GALNTL6: variants seen among roughly 807,000 people sequenced by gnomAD.
GALNTL6 encodes polypeptide N-acetylgalactosaminyltransferase like 6.
In GALNTL6, 46 loss-of-function variants were observed where a neutral mutation model predicts 73.7. That is an observed-to-expected ratio of 0.62 (90% CI 0.49 to 0.80). The LOEUF is 0.80. GALNTL6 is among the 30% of genes least tolerant of loss of function. The probability of loss-of-function intolerance (pLI) is 0.00; values close to 1 mark genes in which losing one functional copy is unlikely to be tolerated. For missense variants in GALNTL6, 604 were observed against 755.0 expected, an observed-to-expected ratio of 0.80 and a Z score of 2.34; for synonymous variants, 259 against 263.7, an observed-to-expected ratio of 0.98 and a Z score of 0.17.
chr4:172,218,421 A>G (rs1266428111), intron 2 of GALNTL6, among the ~76,000 whole-genome samples: 1 of 152,190 alleles, frequency 6.6e-6, no homozygotes, highest in African/African-American at 2.4e-5. Flanking sequence ...CTTAGTGTAC[A>G]ATGGGGGCTC....
At chr4:172,164,353 C>A (rs2110800622) in intron 2 of GALNTL6, among the ~76,000 whole-genome samples, 1 of 151,852 alleles carries the variant, frequency 6.6e-6, no homozygotes, top group East Asian at 1.9e-4. Flanking sequence ...AGGACTAAAT[C>A]TCAGATATAG....
intron 5 of GALNTL6, among the ~76,000 whole-genome samples, chr4:172,806,171 G>C (rs1377980849): frequency 1.3e-5 from 2 of 152,104 alleles, no homozygotes. Context: ...GAACTACTAA[G>C]AGAGAAAGGA....
intron 2 of GALNTL6, among the ~76,000 whole-genome samples, chr4:171,885,318 C>T (rs1736577571): frequency 6.6e-6 from 1 of 152,098 alleles, no homozygotes; most frequent in Non-Finnish European, 1.5e-5. Flanking sequence ...ATTTTTCCAT[C>T]ATACTTTGTT....
At chr4:172,402,924 G>T (rs563239658) in intron 5 of GALNTL6, among the ~76,000 whole-genome samples, 1 of 152,130 alleles carries the variant, frequency 6.6e-6, no homozygotes, top group South Asian at 2.1e-4. Flanking sequence ...ACTTTATATT[G>T]TAGCCCAATT....
chr4:171,841,039 C>T (rs749176146), intron 2 of GALNTL6, among the ~76,000 whole-genome samples: 4 of 152,154 alleles, frequency 2.6e-5, no homozygotes, highest in Admixed American at 6.6e-5. Context: ...GTTTCTAGAA[C>T]CTCCGGTACT....
chr4:172,481,989 A>G (rs1388276634), intron 5 of GALNTL6, among the ~76,000 whole-genome samples: 1 of 152,176 alleles, frequency 6.6e-6, no homozygotes, highest in Non-Finnish European at 1.5e-5. Flanking sequence ...CAGGGGGCTC[A>G]GACATGGTGG....
rs1304076021 is a variant in GALNTL6, at chr4:172,467,812, TTCTTTC to T, written c.553+119125_553+119130del. Among the ~76,000 whole-genome samples, 4 of 56,922 alleles carry T rather than the reference TTCTTTC, an allele frequency of 7.0e-5. No individual in the cohort carries two copies. In the South Asian group the frequency reaches 2.5e-3, roughly 35 times the overall value. The allele number at this position is 56,922 out of a possible 152,430, so 37.3% of individuals were successfully genotyped here. On this transcript the variant is annotated intron_variant, in intron 5 of 12. Coordinates refer to ENST00000506823, the MANE Select transcript of GALNTL6 (RefSeq NM_001034845.3). ...GAGATAAAAGCATTTTACATTTTCT[TTCTTTC>T]TTTCTTTCTTTCTTTCTTTCTTTCT...
chr4:172,659,233 T>G (rs1731245679), intron 5 of GALNTL6, among the ~76,000 whole-genome samples: 1 of 151,988 alleles, frequency 6.6e-6, no homozygotes, highest in Non-Finnish European at 1.5e-5. Context: ...ATTTTTTTCT[T>G]TTTTAAAATT....
chr4:172,289,251 C>T (rs919941746), intron 3 of GALNTL6, among the ~76,000 whole-genome samples: 5 of 152,106 alleles, frequency 3.3e-5, no homozygotes, highest in Admixed American at 6.6e-5. Context: ...TGTTTTGTTG[C>T]GTTCTTTTGA....
chr4:172,437,316 G>A (rs775898813), intron 5 of GALNTL6, among the ~76,000 whole-genome samples: 4 of 152,046 alleles, frequency 2.6e-5, no homozygotes, highest in Non-Finnish European at 4.4e-5. Flanking sequence ...CCACAATGAT[G>A]GGTTAGCACT....
At chr4:172,475,673 A>T (rs1338968600) in intron 5 of GALNTL6, among the ~76,000 whole-genome samples, 1 of 152,232 alleles carries the variant, frequency 6.6e-6, no homozygotes, top group Non-Finnish European at 1.5e-5. Flanking sequence ...CCTATAAGGG[A>T]TCTGAATTAA....
At chr4:172,607,594 C>T (rs1423618980) in intron 5 of GALNTL6, among the ~76,000 whole-genome samples, 2 of 152,074 alleles carry the variant, frequency 1.3e-5, no homozygotes, top group East Asian at 3.9e-4. Context: ...AGAATGATTT[C>T]TATTCCTTTG....
chr4:172,105,932 G>C (rs1392832141), intron 2 of GALNTL6, among the ~76,000 whole-genome samples: 3 of 152,056 alleles, frequency 2.0e-5, no homozygotes, highest in Non-Finnish European at 2.9e-5. Context: ...AATGCTAAAA[G>C]TTTGAAAACA....
chr4:172,250,315 GTAGGCTCA>G lies in GALNTL6; in HGVS notation c.247+20557_247+20564del, dbSNP rs201087208. On this transcript the variant is annotated intron_variant, in intron 3 of 12. Coordinates refer to ENST00000506823, the MANE Select transcript of GALNTL6 (RefSeq NM_001034845.3). Reference sequence around the variant, plus strand: ...AAGTAATTAACTTGCTTTTCATTTTGTAGGCTCATAGGCAGAAGGGACTTGCCTTGACT... The same window carrying G: ...AAGTAATTAACTTGCTTTTCATTTTGTAGGCAGAAGGGACTTGCCTTGACT... 7.4e-3 allele frequency among the ~76,000 whole-genome samples: 1,123 copies of G among 152,224 alleles called. 14 individuals are homozygous for G. The highest frequency in any genetic ancestry group is 0.026 in the African/African-American group (1,077 of 41,530).
intron 3 of GALNTL6, among the ~76,000 whole-genome samples, chr4:172,284,925 G>A (rs1174301465): frequency 6.6e-6 from 1 of 151,944 alleles, no homozygotes; most frequent in African/African-American, 2.4e-5. Flanking sequence ...TTGGTTATTT[G>A]GTCTCTTTCT....
intron 5 of GALNTL6, among the ~76,000 whole-genome samples, chr4:172,583,894 A>C (rs1330258751): frequency 3.0e-5 from 3 of 99,912 alleles, no homozygotes; most frequent in African/African-American, 1.6e-4. Context: ...ACTCTGTCTC[A>C]AAAAAAAAAA....
In GALNTL6 at chr4:172,484,530, G is replaced by T. The variant is rs1371749697; in HGVS notation, c.553+135841G>T. 2.0e-5 allele frequency among the ~76,000 whole-genome samples: 3 copies of T among 152,132 alleles called. No homozygotes were observed. The East Asian group carries it at 5.8e-4, about 29-fold the overall frequency. On this transcript the variant is annotated intron_variant, in intron 5 of 12. Coordinates refer to ENST00000506823, the MANE Select transcript of GALNTL6 (RefSeq NM_001034845.3). ...GGTTGGAAACATTGGTGGTGCTGTT[G>T]ATTATTATTTAATGATTTTTTTTCT...
At chr4:171,974,697 T>C (rs1739668552) in intron 2 of GALNTL6, among the ~76,000 whole-genome samples, 1 of 152,100 alleles carries the variant, frequency 6.6e-6, no homozygotes, top group South Asian at 2.1e-4. Flanking sequence ...TACAAGACAA[T>C]TACTTAAGCA....
chr4:172,779,299 C>T (rs1739249945), intron 5 of GALNTL6, among the ~76,000 whole-genome samples: 1 of 152,142 alleles, frequency 6.6e-6, no homozygotes, highest in Non-Finnish European at 1.5e-5. Flanking sequence ...CCTTGGTACA[C>T]GTGCTTCAGA....
Sources: gnomAD v4.1 joint callset for allele counts (sites outside exome capture counted in the v4.1 genomes callset) on GRCh38, gnomAD v4.1.1 for gene constraint, MANE v1.5 for transcripts, NCBI Gene and HGNC (gene_info 2026-07-23, HGNC 2026-07-21) for gene names.